RHBDD1: variants seen among roughly 807,000 people sequenced by gnomAD.
The protein encoded by RHBDD1 is rhomboid-related protein 4.
A neutral mutation model predicts 36.3 loss-of-function variants in RHBDD1; 38 were observed. The observed-to-expected ratio is 1.05, with a 90% CI of 0.81 to 1.37. RHBDD1 has a LOEUF of 1.37. Among genes scored for constraint, RHBDD1 ranks in the 40% most tolerant of loss-of-function variants. The probability of loss-of-function intolerance (pLI) is 0.00; values close to 1 mark genes in which losing one functional copy is unlikely to be tolerated. For synonymous variants in RHBDD1, 151 were observed against 136.5 expected, an observed-to-expected ratio of 1.11 and a Z score of -0.74; for missense variants, 393 against 377.6, an observed-to-expected ratio of 1.04 and a Z score of -0.34.
At chr2:226,879,980 A>C (rs2125381377) in intron 5 of RHBDD1, among the ~76,000 whole-genome samples, 2 of 152,226 alleles carry the variant, frequency 1.3e-5, no homozygotes, top group Middle Eastern at 6.8e-3. Context: ...ATGTCAATTT[A>C]TTGTGTTATT....
At chr2:226,902,008 G>T (rs1947637742) in intron 5 of RHBDD1, among the ~76,000 whole-genome samples, 1 of 152,156 alleles carries the variant, frequency 6.6e-6, no homozygotes, top group Non-Finnish European at 1.5e-5. Flanking sequence ...TGTAGAGTTG[G>T]TGGTGGTCCT....
the RHBDD1 span, among the ~76,000 whole-genome samples, chr2:226,817,903 G>A: frequency 6.6e-6 from 1 of 152,204 alleles, no homozygotes; most frequent in Non-Finnish European, 1.5e-5. Flanking sequence ...CAGTTCACAT[G>A]TTGACAGATA....
intron 8 of RHBDD1, among the ~76,000 whole-genome samples, chr2:226,957,386 A>C (rs1157031262): frequency 6.6e-6 from 1 of 152,200 alleles, no homozygotes; most frequent in African/African-American, 2.4e-5. Context: ...GAACTTCATC[A>C]AAATTAAAAA....
Position 226,864,655 on chromosome 2 carries a change from C to T in RHBDD1, c.-39C>T, listed in dbSNP as rs140092397. On this transcript the variant is annotated 5_prime_UTR_variant, in exon 4 of 9. It adds an upstream start codon to the 5' untranslated region. Transcript: ENST00000392062. ...ATACCTGAAACTGACCACCTGAGTA[C>T]GTTTTCCCATTGCTGAGCTGTTTCC... 5.1e-6 allele frequency: 8 copies of T among 1,557,356 alleles called. No homozygotes were observed. Among genetic ancestry groups the T allele is most frequent in the East Asian group, 4.5e-5 (2 of 44,628 alleles).
chr2:226,807,031 A>C, the RHBDD1 span, among the ~76,000 whole-genome samples: 3 of 152,228 alleles, frequency 2.0e-5, no homozygotes, highest in Non-Finnish European at 4.4e-5. Flanking sequence ...GTTGGGCACC[A>C]GTCTGTCCCT....
Position 226,968,733 on chromosome 2 carries a change from G to A in RHBDD1, c.857-26698G>A, listed in dbSNP as rs764593220. 3.9e-5 allele frequency among the ~76,000 whole-genome samples: 6 copies of A among 152,204 alleles called. 1 individual carries two copies. The highest frequency in any genetic ancestry group is 8.8e-5 in the Non-Finnish European group (6 of 68,028). On this transcript the variant is annotated intron_variant, in intron 8 of 8. Transcript: ENST00000392062. ...TGGGGCAGTTGGCATTCTAGAGGGG[G>A]TGACTATTAAAAATTAGCCAAAGGA... is the stretch of plus-strand genomic sequence containing the variant.
intron 3 of RHBDD1, among the ~76,000 whole-genome samples, chr2:226,853,628 G>C (rs536705106): frequency 1.3e-5 from 2 of 152,304 alleles, no homozygotes. Flanking sequence ...TGGAATTTCT[G>C]TCTGTCTTTC....
At chr2:226,841,317 T>C (rs556215740) in intron 3 of RHBDD1, among the ~76,000 whole-genome samples, 13 of 152,150 alleles carry the variant, frequency 8.5e-5, no homozygotes, top group African/African-American at 3.1e-4. Flanking sequence ...TTCTTCAGCT[T>C]TTAAGTTCAA....
the RHBDD1 span, among the ~76,000 whole-genome samples, chr2:226,810,006 C>T: frequency 6.6e-6 from 1 of 152,032 alleles, no homozygotes; most frequent in African/African-American, 2.4e-5. Context: ...AGTGTAAAAA[C>T]CATAACATAA....
chr2:226,922,766 T>C (rs1949413195), intron 8 of RHBDD1, among the ~76,000 whole-genome samples: 1 of 152,176 alleles, frequency 6.6e-6, no homozygotes. Flanking sequence ...TTGCTTTTTA[T>C]TTTTTGTGTA....
At chr2:226,989,992 C>G (rs2149548556) in intron 8 of RHBDD1, among the ~76,000 whole-genome samples, 2 of 152,294 alleles carry the variant, frequency 1.3e-5, no homozygotes, top group Middle Eastern at 6.8e-3. Flanking sequence ...CGAATGTTTT[C>G]TCTCTAAAGT....
chr2:226,853,250 A>G (rs1163036688), intron 3 of RHBDD1, among the ~76,000 whole-genome samples: 1 of 152,240 alleles, frequency 6.6e-6, no homozygotes, highest in Non-Finnish European at 1.5e-5. Context: ...TCTCTTCTAA[A>G]TGTTCCTGGT....
At chr2:226,912,531 G>T (rs1197289697) in intron 7 of RHBDD1, among the ~76,000 whole-genome samples, 1 of 152,058 alleles carries the variant, frequency 6.6e-6, no homozygotes, top group Non-Finnish European at 1.5e-5. Flanking sequence ...CCATAAAAAA[G>T]AATGAAGTAC....
chr2:226,864,848 C>G lies in RHBDD1; in HGVS notation c.155C>G (p.Ser52Cys), dbSNP rs746795621. The change falls in exon 4 of 9, where the codon TCC (serine) becomes TGC (cysteine). Residue 52 changes from serine to cysteine, a missense_variant. Ser to Cys is a moderately radical substitution (Grantham distance 112, BLOSUM62 -1). Coordinates refer to ENST00000392062, the MANE Select transcript of RHBDD1 (RefSeq NM_001167608.3). ...AACCCTCAGAAGCCACTGTATAGCTCCTGCCTTAGTGTGGAGAAGTGTTAC... is the reference window on the plus strand; with the variant it reads ...AACCCTCAGAAGCCACTGTATAGCTGCTGCCTTAGTGTGGAGAAGTGTTAC... ...FLNPQKPLYS[S>C]CLSVEKCYQQ... 30 of 1,614,240 alleles carry G rather than the reference C, an allele frequency of 1.9e-5. 1 individual carries two copies. In the Middle Eastern group the frequency reaches 1.3e-3, roughly 71 times the overall value.
upstream of RHBDD1, chr2:226,835,632 C>T (rs997332813): frequency 6.6e-6 from 1 of 152,314 alleles, no homozygotes; most frequent in Non-Finnish European, 1.5e-5. Flanking sequence ...CGAAGCTTCC[C>T]GGCAGAGAAC....
At chr2:226,896,628 T>C (rs1947116033) in intron 5 of RHBDD1, among the ~76,000 whole-genome samples, 1 of 152,142 alleles carries the variant, frequency 6.6e-6, no homozygotes, top group Admixed American at 6.6e-5. Context: ...GTGGAATAGA[T>C]CACTCCTAAA....
chr2:226,948,047 C>A lies in RHBDD1; in HGVS notation c.856+33696C>A, dbSNP rs906175415. 1.4e-4 allele frequency among the ~76,000 whole-genome samples: 21 copies of A among 152,066 alleles called. No homozygotes were observed. The East Asian group carries it at 2.1e-3, about 15-fold the overall frequency. On this transcript the variant is annotated intron_variant, in intron 8 of 8. Coordinates refer to ENST00000392062, the MANE Select transcript of RHBDD1 (RefSeq NM_001167608.3). Reference sequence around the variant, plus strand: ...ATCTAGAACTAGAAATACCATTTGACCCAGCCATCCCATTACTGGGTATAT... The same window carrying A: ...ATCTAGAACTAGAAATACCATTTGAACCAGCCATCCCATTACTGGGTATAT...
intron 8 of RHBDD1, among the ~76,000 whole-genome samples, chr2:226,929,504 C>A (rs989592640): frequency 1.3e-5 from 2 of 151,892 alleles, no homozygotes; most frequent in African/African-American, 4.8e-5. Flanking sequence ...TATACCTCAA[C>A]AAAATAAAAG....
chr2:226,849,738 CTATATCTA>C lies in RHBDD1; in HGVS notation c.-91+10123_-91+10130del, dbSNP rs556046656. Among the ~76,000 whole-genome samples, 333 of 152,254 alleles carry C rather than the reference CTATATCTA, an allele frequency of 2.2e-3. 4 individuals are homozygous for C. Among genetic ancestry groups the C allele is most frequent in the African/African-American group, 7.3e-3 (302 of 41,496 alleles). The stretch of plus-strand genomic sequence containing the variant: ...ATATCTATATCTATATAATCTGTAT[CTATATCTA>C]TATATCTATATCATCTGTATCTATA... On this transcript the variant is annotated intron_variant, in intron 3 of 8. Coordinates refer to ENST00000392062, the MANE Select transcript of RHBDD1 (RefSeq NM_001167608.3).
Sources: allele counts gnomAD v4.1 joint callset (sites outside exome capture counted in the v4.1 genomes callset), GRCh38; gene constraint gnomAD v4.1.1; transcripts MANE v1.5; gene names NCBI Gene and HGNC (gene_info 2026-07-23, HGNC 2026-07-21).